DOCK1: variants seen among roughly 807,000 people sequenced by gnomAD.
DOCK1 encodes the protein dedicator of cytokinesis 1.
In DOCK1, 138 loss-of-function variants were observed where a neutral mutation model predicts 262.7. That is an observed-to-expected ratio of 0.53 (90% CI 0.46 to 0.61). DOCK1 has a LOEUF of 0.61. Among genes scored for constraint, DOCK1 ranks in the 20% least tolerant of loss-of-function variants. DOCK1 has a pLI of 0.00. For synonymous variants in DOCK1, 866 were observed against 867.4 expected (o/e 1.00, Z 0.03); for missense variants, 1,908 against 2,370.7 (o/e 0.80, Z 4.05).
At position 127,175,614 on chromosome 10, in the gene DOCK1, A is replaced by C. The variant is rs2133894171; in HGVS notation, c.2847+47850A>C. ...ACCAGGCTCGGGGGCCCTGGCACTGAGGGCAGGTGCGTAAACGGTGGCAAC... is the reference window on the plus strand; with the variant it reads ...ACCAGGCTCGGGGGCCCTGGCACTGCGGGCAGGTGCGTAAACGGTGGCAAC... On this transcript the variant is annotated intron_variant, in intron 27 of 51. Coordinates refer to ENST00000623213, the MANE Select transcript of DOCK1 (RefSeq NM_001290223.2). The surrounding 1 kb of genome is among the most constrained non-coding windows in gnomAD (Gnocchi z 6.3). 1.9e-6 allele frequency: 3 copies of C among 1,612,952 alleles called. No individual in the cohort carries two copies. The East Asian group carries it at 6.7e-5, about 36-fold the overall frequency.
At position 127,164,159 on chromosome 10, in the gene DOCK1, CTTTTTTTTTTTTTTTTTTTTTTTTTTTTT is replaced by C. The variant is rs528947051; in HGVS notation, c.2847+36409_2847+36437del. On this transcript the variant is annotated intron_variant, in intron 27 of 51. Coordinates refer to ENST00000623213, the MANE Select transcript of DOCK1 (RefSeq NM_001290223.2). ...CTTTGTCTTCCCTGTCATTTGCCTCCTTTTTTTTTTTTTTTTTTTTTTTTTTTTTTTTTTTTTTTTTTGAGACAGAGTCC... is the reference window on the plus strand; with the variant it reads ...CTTTGTCTTCCCTGTCATTTGCCTCCTTTTTTTTTTTTTGAGACAGAGTCC... Among the ~76,000 whole-genome samples, 68 of 63,584 alleles carry C rather than the reference CTTTTTTTTTTTTTTTTTTTTTTTTTTTTT, an allele frequency of 1.1e-3. 2 individuals are homozygous for C. The highest frequency in any genetic ancestry group is 3.8e-3 in the African/African-American group (63 of 16,484). 41.7% of individuals were successfully genotyped at this position (63,584 alleles called of 152,430 possible).
At chr10:127,153,754 A>C (rs2052742615) in intron 27 of DOCK1, 5 of 929,936 alleles carry the variant, frequency 5.4e-6, no homozygotes, top group Non-Finnish European at 8.5e-6. Flanking sequence ...TGTCTGATAG[A>C]ATCATCCCAG....
intron 19 of DOCK1, 24 bp from the exon 20 acceptor site, chr10:127,042,601 A>G (rs1179625176): frequency 5.6e-6 from 9 of 1,610,452 alleles, no homozygotes; most frequent in Non-Finnish European, 7.6e-6. Context: ...TCACATTGTC[A>G]CCCGACCTTC....
intron 29 of DOCK1, among the ~76,000 whole-genome samples, chr10:127,284,914 C>G (rs566565873): frequency 6.6e-6 from 1 of 152,102 alleles, no homozygotes; most frequent in Non-Finnish European, 1.5e-5. Context: ...AGGTGGATTG[C>G]TTGAGCCCAA....
chr10:127,052,944 T>TC, intron 22 of DOCK1, 129 bp downstream of exon 22: 2 of 1,414,662 alleles, frequency 1.4e-6, no homozygotes, highest in Non-Finnish European at 1.9e-6. Flanking sequence ...CCTTGCTTTC[T>TC]AGGCTGAGAG....
chr10:127,219,283 A>G (rs552201310), intron 27 of DOCK1, among the ~76,000 whole-genome samples: 1 of 152,184 alleles, frequency 6.6e-6, no homozygotes, highest in Non-Finnish European at 1.5e-5. Context: ...TTGCCATCTT[A>G]TCAAAGCAGT....
intron 19 of DOCK1, among the ~76,000 whole-genome samples, chr10:127,038,630 C>T (rs1230527741): frequency 1.3e-5 from 2 of 152,134 alleles, no homozygotes; most frequent in African/African-American, 2.4e-5. Flanking sequence ...CTTGCCTGGG[C>T]CGTCTTCTTC....
rs566567446 is a variant in DOCK1, at chr10:127,260,886, T to G, written c.3044+3457T>G. On this transcript the variant is annotated intron_variant, in intron 29 of 51. Coordinates refer to ENST00000623213, the MANE Select transcript of DOCK1 (RefSeq NM_001290223.2). ...GTGTGTGTGCATGTGTGTGTGTGTGTACCCGTGCTCATCTGTGTACCTGCA... is the reference window on the plus strand; with the variant it reads ...GTGTGTGTGCATGTGTGTGTGTGTGGACCCGTGCTCATCTGTGTACCTGCA... Among the ~76,000 whole-genome samples, 4 of 139,952 alleles carry G rather than the reference T, an allele frequency of 2.9e-5. No homozygotes were observed. In the South Asian group the frequency reaches 9.7e-4, roughly 34 times the overall value. 91.8% of individuals were successfully genotyped at this position (139,952 alleles called of 152,430 possible).
chr10:127,414,552 C>A (rs934012732), intron 43 of DOCK1, among the ~76,000 whole-genome samples: 3 of 152,152 alleles, frequency 2.0e-5, no homozygotes, highest in African/African-American at 7.2e-5. Flanking sequence ...AGTAAGAAGT[C>A]TTGAACAATA....
chr10:127,238,444 A>G (rs925037796), intron 27 of DOCK1, among the ~76,000 whole-genome samples: 8 of 152,112 alleles, frequency 5.3e-5, no homozygotes, highest in African/African-American at 1.7e-4. Flanking sequence ...CTCTGGACCA[A>G]CCATTCCTTT....
intron 29 of DOCK1, among the ~76,000 whole-genome samples, chr10:127,315,995 C>T (rs187112349): frequency 4.0e-5 from 6 of 151,846 alleles, no homozygotes; most frequent in Non-Finnish European, 7.4e-5. Flanking sequence ...CACTGCACCC[C>T]GCTGGGGACA....
intron 31 of DOCK1, 133 bp from the exon 32 acceptor site, chr10:127,354,536 G>C (rs914708410): frequency 1.0e-6 from 1 of 955,196 alleles, no homozygotes; most frequent in Admixed American, 2.5e-5. Context: ...GGTGGCAAGA[G>C]AAGTTGAAGC....
At chr10:127,287,866 A>C (rs2061215813) in intron 29 of DOCK1, among the ~76,000 whole-genome samples, 1 of 152,328 alleles carries the variant, frequency 6.6e-6, no homozygotes, top group South Asian at 2.1e-4. Context: ...ATGGCAGCCA[A>C]TGATGATCAT....
At chr10:127,010,632 T>G (rs1189089207) in intron 11 of DOCK1, among the ~76,000 whole-genome samples, 3 of 152,156 alleles carry the variant, frequency 2.0e-5, no homozygotes, top group Non-Finnish European at 4.4e-5. Flanking sequence ...ATTATGTTGT[T>G]TTGTAGTCCC....
intron 1 of DOCK1, among the ~76,000 whole-genome samples, chr10:126,950,754 C>T (rs2036143780): frequency 6.6e-6 from 1 of 152,024 alleles, no homozygotes; most frequent in African/African-American, 2.4e-5. Context: ...TTTTGTTAGC[C>T]CCACTTCATA....
At chr10:126,954,184 G>A (rs2036551463) in intron 1 of DOCK1, among the ~76,000 whole-genome samples, 3 of 152,212 alleles carry the variant, frequency 2.0e-5, no homozygotes, top group African/African-American at 7.2e-5. Flanking sequence ...TATTTTTATA[G>A]TCAATTGAAA....
intron 8 of DOCK1, 130 bp downstream of exon 8, chr10:126,998,379 CCGAGT>C: frequency 7.8e-7 from 1 of 1,286,130 alleles, no homozygotes; most frequent in Admixed American, 2.0e-5. Context: ...GAGCAAGCAG[CCGAGT>C]CAAGAGCTGT....
chr10:127,212,332 A>G (rs7898299), intron 27 of DOCK1, among the ~76,000 whole-genome samples: 4,116 of 152,284 alleles, frequency 0.027, 209 homozygotes, highest in African/African-American at 0.094. Context: ...CACTGGCTGC[A>G]TATCAAGAAA....
intron 38 of DOCK1, among the ~76,000 whole-genome samples, chr10:127,398,394 C>T (rs1369476758): frequency 2.0e-5 from 3 of 152,258 alleles, no homozygotes; most frequent in Non-Finnish European, 4.4e-5. Context: ...TCACCAGGGC[C>T]GCCAGCCCCA....
Sources: gnomAD v4.1 joint callset for allele counts (sites outside exome capture counted in the v4.1 genomes callset) on GRCh38, gnomAD v4.1.1 for gene constraint, Gnocchi (gnomAD v3.1) non-coding constraint, MANE v1.5 for transcripts, NCBI Gene and HGNC (gene_info 2026-07-23, HGNC 2026-07-21) for gene names.